WDFY3: variants seen among roughly 807,000 people sequenced by gnomAD.
WDFY3 encodes the protein WD repeat and FYVE domain-containing protein 3.
In WDFY3, 66 loss-of-function variants were observed where a neutral mutation model predicts 409.6. That is an observed-to-expected ratio of 0.16 (90% CI 0.13 to 0.20). The LOEUF (loss-of-function observed/expected upper bound fraction) is 0.20. WDFY3 is among the 10% of genes least tolerant of loss of function. The pLI is 1.00. For missense variants in WDFY3, 3,031 were observed against 4,298.1 expected (o/e 0.71, Z 8.24); for synonymous variants, 1,521 against 1,537.1 (o/e 0.99, Z 0.25).
chr4:84,718,886 G>A (rs909131824), intron 47 of WDFY3, among the ~76,000 whole-genome samples: 7 of 152,194 alleles, frequency 4.6e-5, no homozygotes, highest in African/African-American at 1.7e-4. Flanking sequence ...AAGGGAGACA[G>A]ACACAGCAAA....
At chr4:84,834,725 C>T (rs534334041) in intron 7 of WDFY3, among the ~76,000 whole-genome samples, 206 of 152,256 alleles carry the variant, frequency 1.4e-3, no homozygotes, top group African/African-American at 4.4e-3. Context: ...AAAGTCCAAC[C>T]AAGTGTGGCA....
In WDFY3 at chr4:84,679,048, G is replaced by C; in HGVS notation, c.10018C>G (p.Leu3340Val). The change falls in exon 65 of 68, where the codon CTA becomes GTA. Residue 3340 changes from leucine to valine, a missense_variant. By Grantham distance (32) the Leu-to-Val change is conservative. Coordinates refer to ENST00000295888, the MANE Select transcript of WDFY3 (RefSeq NM_014991.6). ...DSRRWSDQLS[L>V]DEKDGFIFVN... ...AATATGAAGCCGTCTTTCTCATCTA[G>C]ACTGAGCTGGTCGGACCAGCGTCTG... is the stretch of plus-strand genomic sequence containing the variant. The C allele has an allele frequency of 6.2e-7, 1 of 1,614,236 alleles. No homozygotes were observed. The highest frequency in any genetic ancestry group is 8.5e-7 in the Non-Finnish European group (1 of 1,180,048).
At chr4:84,730,067 G>C (rs1560613642) in intron 44 of WDFY3, among the ~76,000 whole-genome samples, 4 of 152,126 alleles carry the variant, frequency 2.6e-5, no homozygotes, top group Non-Finnish European at 5.9e-5. Context: ...GGCAGAGGTG[G>C]ATTTACTATG....
rs187253886 is a variant in WDFY3, at chr4:84,947,059, G to A, written c.-225-14696C>T. On this transcript the variant is annotated intron_variant, in intron 1 of 67. Transcript: ENST00000295888. ...CCTGACCTTGTGATCCACCCGCCTC[G>A]GCCTCCCAAAGTGCTGGGATTACAG... is the stretch of plus-strand genomic sequence containing the variant. 7.9e-3 allele frequency among the ~76,000 whole-genome samples: 1,189 copies of A among 151,190 alleles called. 16 individuals carry two copies. Among genetic ancestry groups the A allele is most frequent in the African/African-American group, 0.027 (1,104 of 41,260 alleles).
At chr4:84,865,578 C>T (rs996087272) in intron 3 of WDFY3, among the ~76,000 whole-genome samples, 4 of 152,206 alleles carry the variant, frequency 2.6e-5, no homozygotes, top group African/African-American at 9.6e-5. Flanking sequence ...AGCCAGAAGC[C>T]GTAATGTTTC....
At chr4:84,834,031 T>C (rs1225390705) in intron 7 of WDFY3, among the ~76,000 whole-genome samples, 2 of 152,226 alleles carry the variant, frequency 1.3e-5, no homozygotes, top group African/African-American at 2.4e-5. Context: ...TTTTACCATA[T>C]GTGAATACAG....
intron 7 of WDFY3, among the ~76,000 whole-genome samples, chr4:84,836,353 C>T (rs1262460574): frequency 2.6e-5 from 4 of 152,046 alleles, no homozygotes; most frequent in Non-Finnish European, 5.9e-5. Context: ...TGACAATTTT[C>T]TGCCAAGAAA....
intron 1 of WDFY3, among the ~76,000 whole-genome samples, chr4:84,946,552 A>G (rs1772852709): frequency 6.6e-6 from 1 of 152,116 alleles, no homozygotes; most frequent in African/African-American, 2.4e-5. Context: ...GCATCAATAC[A>G]TGGGATAGCA....
intron 2 of WDFY3, among the ~76,000 whole-genome samples, chr4:84,930,002 A>C (rs1770549645): frequency 6.6e-6 from 1 of 152,092 alleles, no homozygotes; most frequent in Non-Finnish European, 1.5e-5. Context: ...AAAAGCCAAG[A>C]AAACAGGACT....
chr4:84,945,652 T>C (rs572104265), intron 1 of WDFY3, among the ~76,000 whole-genome samples: 223 of 152,240 alleles, frequency 1.5e-3, no homozygotes, highest in Non-Finnish European at 2.7e-3. Flanking sequence ...TGTCCTATAG[T>C]ACATAAAATA....
At chr4:84,718,704 T>G in intron 47 of WDFY3, 134 bp from the exon 48 acceptor site, 1 of 1,096,692 alleles carries the variant, frequency 9.1e-7, no homozygotes, top group East Asian at 2.5e-5. Context: ...TAAGCTTAGA[T>G]TACAGTCTGA....
chr4:84,783,304 G>A (rs550706278), intron 24 of WDFY3, among the ~76,000 whole-genome samples: 88 of 152,240 alleles, frequency 5.8e-4, no homozygotes, highest in Non-Finnish European at 8.5e-4. Context: ...ACCAGCCTGG[G>A]AAACATGGCG....
chr4:84,751,633 T>C lies in WDFY3; in HGVS notation c.5823A>G (p.Gln1941=). ...FAADTGMNRS[Q]SEYCNVGTKT... ...TGGTGCCCACATTGCAGTACTCTGA[T>C]TGGCTCCTGTTCATCCCTGTGTCTG... Residue 1941 remains glutamine, a synonymous_variant, in exon 36 of 68, where the codon CAA becomes CAG. Transcript: ENST00000295888. 6.2e-7 allele frequency: 1 copy of C among 1,614,176 alleles called. No homozygotes were observed. Among genetic ancestry groups the C allele is most frequent in the Non-Finnish European group, 8.5e-7 (1 of 1,180,034 alleles).
Position 84,920,829 on chromosome 4 carries a change from AAT to A in WDFY3, c.-132+11439_-132+11440del, listed in dbSNP as rs535375644. Among the ~76,000 whole-genome samples, 206 of 152,282 alleles carry A rather than the reference AAT, an allele frequency of 1.4e-3. 1 individual carries two copies. The highest frequency in any genetic ancestry group is 2.5e-3 in the Non-Finnish European group (169 of 68,012). ...GAGAATTTCCTAAGGGAATATCATT[AAT>A]ATGACCTTTTTTTTCCTCCAATCAT... is the stretch of plus-strand genomic sequence containing the variant. On this transcript the variant is annotated intron_variant, in intron 2 of 67. Transcript: ENST00000295888.
intron 61 of WDFY3, 149 bp downstream of exon 61, chr4:84,690,357 A>T: frequency 8.6e-7 from 1 of 1,161,936 alleles, no homozygotes; most frequent in African/African-American, 1.6e-5. Flanking sequence ...TTTTTTTTCA[A>T]AAAAGTATTT....
chr4:84,836,479 C>A (rs561834287), intron 7 of WDFY3, among the ~76,000 whole-genome samples: 7 of 152,106 alleles, frequency 4.6e-5, no homozygotes, highest in Admixed American at 1.3e-4. Flanking sequence ...AAGAGCCTTA[C>A]AGGCAGGGCA....
chr4:84,902,324 C>T (rs1195567407), intron 2 of WDFY3, among the ~76,000 whole-genome samples: 3 of 152,124 alleles, frequency 2.0e-5, no homozygotes, highest in Admixed American at 6.6e-5. Context: ...GAATTCAGTG[C>T]TTTCACAGAA....
At chr4:84,727,359 G>A (rs1233813979) in intron 44 of WDFY3, among the ~76,000 whole-genome samples, 1 of 152,056 alleles carries the variant, frequency 6.6e-6, no homozygotes, top group Admixed American at 6.6e-5. Context: ...AGGGGCAAAC[G>A]GCTGATTTAA....
chr4:84,900,192 C>T (rs565969492), intron 2 of WDFY3, among the ~76,000 whole-genome samples: 2 of 152,230 alleles, frequency 1.3e-5, no homozygotes, highest in African/African-American at 4.8e-5. Context: ...AATAGACACA[C>T]AAACTATGGT....
Sources: allele counts gnomAD v4.1 joint callset (sites outside exome capture counted in the v4.1 genomes callset), GRCh38; gene constraint gnomAD v4.1.1; transcripts MANE v1.5; gene names NCBI Gene and HGNC (gene_info 2026-07-23, HGNC 2026-07-21).